Variants in C17orf78 observed in about 807,000 individuals in gnomAD.
C17orf78 encodes the protein chromosome 17 open reading frame 78.
A neutral mutation model predicts 31.8 loss-of-function variants in C17orf78; 27 were observed. The observed-to-expected ratio is 0.85, with a 90% CI of 0.63 to 1.17. C17orf78 has a LOEUF of 1.17. C17orf78 is among the 50% of genes most tolerant of loss of function. C17orf78 has a pLI of 0.00. For missense variants in C17orf78, 258 were observed against 315.2 expected (o/e 0.82, Z 1.37); for synonymous variants, 106 against 115.1 (o/e 0.92, Z 0.51).
intron 3 of C17orf78, among the ~76,000 whole-genome samples, chr17:37,382,744 T>C (rs749069816): frequency 6.6e-5 from 10 of 152,124 alleles, no homozygotes; most frequent in Middle Eastern, 3.4e-3. Context: ...CCTGTAGTCC[T>C]AGCTACTCAG....
chr17:37,381,870 G>T (rs554151671), intron 3 of C17orf78, among the ~76,000 whole-genome samples: 1 of 151,244 alleles, frequency 6.6e-6, no homozygotes, highest in Non-Finnish European at 1.5e-5. Flanking sequence ...CTTGTGATCT[G>T]CCCGCCTTGG....
chr17:37,381,110 A>G (rs1289774209), intron 3 of C17orf78, among the ~76,000 whole-genome samples: 1 of 152,028 alleles, frequency 6.6e-6, no homozygotes, highest in East Asian at 1.9e-4. Flanking sequence ...CATAAATGGT[A>G]ACATACCATA....
rs1211930824 is a variant in C17orf78 at position 37,391,912 on chromosome 17, A to G, written c.*188A>G. The G allele has an allele frequency of 1.5e-5, 9 of 598,188 alleles. No homozygotes were observed. Among genetic ancestry groups the G allele is most frequent in the South Asian group, 1.1e-4 (5 of 46,104 alleles). The allele number at this position is 598,188 out of a possible 1,614,324, so 37.1% of individuals were successfully genotyped here. A position where few individuals can be genotyped will look rare whatever the true frequency, so the allele number is the denominator to read the frequency against. ...CCCTCATGCCCCTATCTGAGCCACAACCTTCTGTAATTCACTTCATACATC... is the reference window on the plus strand; with the variant it reads ...CCCTCATGCCCCTATCTGAGCCACAGCCTTCTGTAATTCACTTCATACATC... On this transcript the variant is annotated 3_prime_UTR_variant, in exon 7 of 7. Coordinates refer to ENST00000615133, the MANE Select transcript of C17orf78 (RefSeq NM_173625.5).
intron 6 of C17orf78, among the ~76,000 whole-genome samples, chr17:37,390,272 ATATAT>A (rs2050775136): frequency 2.1e-5 from 1 of 46,626 alleles, no homozygotes; most frequent in Non-Finnish European, 3.5e-5. Context: ...ATTATATATA[ATATAT>A]TATATATAAT....
chr17:37,385,942 T>C, intron 3 of C17orf78, 67 bp from the exon 4 acceptor site: 1 of 1,075,704 alleles, frequency 9.3e-7, no homozygotes, highest in Non-Finnish European at 1.4e-6. Flanking sequence ...CAGGGTTTCA[T>C]CAGATAAAAC....
chr17:37,391,858 G>C lies in C17orf78; in HGVS notation c.*134G>C, dbSNP rs2050899003. 1 of 836,252 alleles carries C rather than the reference G, an allele frequency of 1.2e-6. No individual in the cohort carries two copies. Among genetic ancestry groups the C allele is most frequent in the Non-Finnish European group, 2.0e-6 (1 of 509,958 alleles). The allele number at this position is 836,252 out of a possible 1,614,324, so 51.8% of individuals were successfully genotyped here. On this transcript the variant is annotated 3_prime_UTR_variant, in exon 7 of 7. Coordinates refer to ENST00000615133, the MANE Select transcript of C17orf78 (RefSeq NM_173625.5). ...AATCAAACACCAATTCCTGGTTAAT[G>C]AAGGGAGAGTGTGGGCTTAGCAGAG...
intron 1 of C17orf78, among the ~76,000 whole-genome samples, chr17:37,377,588 A>AG: frequency 1.3e-5 from 2 of 152,140 alleles, no homozygotes; most frequent in East Asian, 3.9e-4. Context: ...TGAACCCAGG[A>AG]GGTGAATGTT....
At chr17:37,377,115 G>A (rs2050035848) in intron 1 of C17orf78, among the ~76,000 whole-genome samples, 1 of 152,118 alleles carries the variant, frequency 6.6e-6, no homozygotes, top group Non-Finnish European at 1.5e-5. Context: ...TGGTTCTGTG[G>A]AAACCTATAG....
chr17:37,383,751 C>T (rs556882462), intron 3 of C17orf78, among the ~76,000 whole-genome samples: 79 of 152,194 alleles, frequency 5.2e-4, no homozygotes, highest in African/African-American at 1.9e-3. Context: ...GCCATTTTGG[C>T]CAGGCTGGTC....
intron 3 of C17orf78, among the ~76,000 whole-genome samples, chr17:37,385,005 G>A (rs1343578373): frequency 6.6e-6 from 1 of 152,200 alleles, no homozygotes; most frequent in African/African-American, 2.4e-5. Flanking sequence ...GGAGACGAGT[G>A]AGGTTATTTC....
At position 37,392,554 on chromosome 17, in the gene C17orf78, T is replaced by A. The variant is rs1202952187; in HGVS notation, c.*830T>A. ...GTGAAAAAGGAAATGTCAGGAGGGA[T>A]AAGACAGGGTGAGGCCCTGCTTCTT... On this transcript the variant is annotated 3_prime_UTR_variant, in exon 7 of 7. Transcript: ENST00000615133. 6.6e-6 allele frequency: 1 copy of A among 152,162 alleles called. No homozygotes were observed. Among genetic ancestry groups the A allele is most frequent in the South Asian group, 2.1e-4 (1 of 4,832 alleles). The allele number at this position is 152,162 out of a possible 1,614,324, so 9.4% of individuals were successfully genotyped here. A position where few individuals can be genotyped will look rare whatever the true frequency, so the allele number is the denominator to read the frequency against.
At chr17:37,387,947 T>C (rs1163052536) in intron 4 of C17orf78, 1 of 152,120 alleles carries the variant, frequency 6.6e-6, no homozygotes, top group East Asian at 1.9e-4. Flanking sequence ...GTAGGATCAC[T>C]TGAGGCCAGG....
Position 37,385,406 on chromosome 17 carries a change from GA to G in C17orf78, c.392-602del, listed in dbSNP as rs1462734487. On this transcript the variant is annotated intron_variant, in intron 3 of 6. Transcript: ENST00000615133. ...GAGAATCATTTTAACCTGGGAGGCA[GA>G]GGTTGCAGTGAGCTGAGATCACACC... 2.0e-5 allele frequency among the ~76,000 whole-genome samples: 3 copies of G among 152,108 alleles called. No homozygotes were observed. The South Asian group carries it at 6.2e-4, about 32-fold the overall frequency.
intron 6 of C17orf78, 142 bp from the exon 7 acceptor site, chr17:37,391,505 T>C: frequency 1.4e-6 from 1 of 710,384 alleles, no homozygotes; most frequent in East Asian, 2.5e-5. Flanking sequence ...TTTCTCAGTG[T>C]AATTATCGAT....
At position 37,391,857 on chromosome 17, in the gene C17orf78, T is replaced by A. The variant is rs1597792530; in HGVS notation, c.*133T>A. 1.2e-6 allele frequency: 1 copy of A among 842,656 alleles called. No homozygotes were observed. Among genetic ancestry groups the A allele is most frequent in the East Asian group, 2.4e-5 (1 of 40,820 alleles). The allele number at this position is 842,656 out of a possible 1,614,324, so 52.2% of individuals were successfully genotyped here. ...CAATCAAACACCAATTCCTGGTTAA[T>A]GAAGGGAGAGTGTGGGCTTAGCAGA... On this transcript the variant is annotated 3_prime_UTR_variant, in exon 7 of 7. Transcript: ENST00000615133.
At chr17:37,385,936 GT>G in intron 3 of C17orf78, 72 bp from the exon 4 acceptor site, 1 of 1,011,710 alleles carries the variant, frequency 9.9e-7, no homozygotes. Context: ...GCTGGGCAGG[GT>G]TTCATCAGAT....
chr17:37,384,036 C>A (rs909167093), intron 3 of C17orf78, among the ~76,000 whole-genome samples: 5 of 152,084 alleles, frequency 3.3e-5, no homozygotes, highest in Admixed American at 6.6e-5. Context: ...GAGCCCGAGG[C>A]GGGCAGAACA....
intron 1 of C17orf78, 83 bp downstream of exon 1, chr17:37,376,233 G>T: frequency 8.8e-7 from 1 of 1,133,860 alleles, no homozygotes; most frequent in South Asian, 1.3e-5. Flanking sequence ...ACCAGATAGA[G>T]ATGTAGCTGA....
intron 6 of C17orf78, among the ~76,000 whole-genome samples, chr17:37,390,317 T>TAG (rs2050803336): frequency 2.0e-5 from 1 of 51,070 alleles, no homozygotes; most frequent in South Asian, 6.2e-4. Flanking sequence ...TATATATATA[T>TAG]ATATATATAT....
Sources: gnomAD v4.1 joint callset for allele counts (sites outside exome capture counted in the v4.1 genomes callset) on GRCh38, gnomAD v4.1.1 for gene constraint, MANE v1.5 for transcripts, NCBI Gene and HGNC (gene_info 2026-07-23, HGNC 2026-07-21) for gene names.